The following CSMD1 variants were observed in gnomAD, a reference collection of about 807,000 sequenced individuals.
CSMD1 encodes the protein CUB and Sushi multiple domains 1.
CSMD1 carries 213 observed loss-of-function variants against 417.5 expected under a neutral mutation model. The ratio of observed to expected loss-of-function variants is 0.51; its 90% confidence interval spans 0.46 to 0.57. The LOEUF (loss-of-function observed/expected upper bound fraction) is 0.57. CSMD1 is among the 20% of genes least tolerant of loss of function. The probability of loss-of-function intolerance (pLI) is 0.00; values close to 1 mark genes in which losing one functional copy is unlikely to be tolerated. For synonymous variants in CSMD1, 2,862 were observed against 1,736.8 expected, an observed-to-expected ratio of 1.65 and a Z score of -16.11; for missense variants, 6,923 against 4,529.7, an observed-to-expected ratio of 1.53 and a Z score of -15.17.
At chr8:4,641,352 A>T (rs1043993040) in intron 1 of CSMD1, among the ~76,000 whole-genome samples, 1 of 152,140 alleles carries the variant, frequency 6.6e-6, no homozygotes, top group Admixed American at 6.5e-5. Flanking sequence ...ATATAGAAGA[A>T]TCAGAGAGTT....
At chr8:4,380,625 C>A (rs1584985992) in intron 3 of CSMD1, among the ~76,000 whole-genome samples, 1 of 152,102 alleles carries the variant, frequency 6.6e-6, no homozygotes, top group Non-Finnish European at 1.5e-5. Context: ...GCGGTACGGA[C>A]TGTAGTCATT....
intron 8 of CSMD1, among the ~76,000 whole-genome samples, chr8:3,588,913 G>A (rs1800718477): frequency 6.6e-6 from 1 of 152,032 alleles, no homozygotes; most frequent in South Asian, 2.1e-4. Context: ...TAACATATGG[G>A]CAAAGGACCT....
intron 3 of CSMD1, among the ~76,000 whole-genome samples, chr8:4,409,851 T>G (rs1796552325): frequency 6.6e-6 from 1 of 152,104 alleles, no homozygotes; most frequent in African/African-American, 2.4e-5. Flanking sequence ...TCTCACTCTG[T>G]TGCCCAGGCT....
At chr8:4,863,278 G>T (rs950468726) in intron 1 of CSMD1, among the ~76,000 whole-genome samples, 1 of 151,970 alleles carries the variant, frequency 6.6e-6, no homozygotes, top group Non-Finnish European at 1.5e-5. Flanking sequence ...CAAATTTTTA[G>T]AACGGCGCAT....
At chr8:4,167,819 A>G (rs1295038690) in intron 3 of CSMD1, among the ~76,000 whole-genome samples, 1 of 152,096 alleles carries the variant, frequency 6.6e-6, no homozygotes, top group Non-Finnish European at 1.5e-5. Context: ...CTCAGACTCC[A>G]TCTCTACCAA....
chr8:4,534,294 G>A (rs752316332), intron 2 of CSMD1, among the ~76,000 whole-genome samples: 2 of 152,158 alleles, frequency 1.3e-5, no homozygotes, highest in East Asian at 1.9e-4. Flanking sequence ...AGGCCAGCCC[G>A]ACTCATATGG....
At chr8:4,169,215 G>A (rs1009422917) in intron 3 of CSMD1, among the ~76,000 whole-genome samples, 8 of 152,126 alleles carry the variant, frequency 5.3e-5, no homozygotes, top group African/African-American at 1.9e-4. Context: ...ACACATGTCT[G>A]AGCAAAGTCC....
chr8:4,028,111 A>G (rs539007422), intron 4 of CSMD1, among the ~76,000 whole-genome samples: 1 of 152,306 alleles, frequency 6.6e-6, no homozygotes, highest in South Asian at 2.1e-4. Context: ...ATGAAAATGG[A>G]CATAATAAAC....
At chr8:3,705,795 C>T (rs894459544) in intron 7 of CSMD1, among the ~76,000 whole-genome samples, 2 of 152,124 alleles carry the variant, frequency 1.3e-5, no homozygotes, top group African/African-American at 4.8e-5. Context: ...CCAGAGGAAC[C>T]CAGATCTTGG....
chr8:4,886,758 T>A (rs1201197066), intron 1 of CSMD1, among the ~76,000 whole-genome samples: 4 of 152,032 alleles, frequency 2.6e-5, no homozygotes, highest in Non-Finnish European at 4.4e-5. Flanking sequence ...TCTAAAAAAA[T>A]TTATTTTACC....
chr8:3,457,038 G>C (rs1016935562), intron 12 of CSMD1, among the ~76,000 whole-genome samples: 2 of 151,258 alleles, frequency 1.3e-5, no homozygotes, highest in Non-Finnish European at 2.9e-5. Flanking sequence ...CCCTTCACCT[G>C]TACCCCTCAT....
At chr8:4,232,459 A>G (rs1563311519) in intron 3 of CSMD1, among the ~76,000 whole-genome samples, 2 of 152,160 alleles carry the variant, frequency 1.3e-5, no homozygotes, top group Non-Finnish European at 2.9e-5. Flanking sequence ...TCAGATTCCC[A>G]AAGTGCTGGG....
chr8:3,127,060 G>C (rs1817547814), intron 41 of CSMD1, among the ~76,000 whole-genome samples: 2 of 152,192 alleles, frequency 1.3e-5, no homozygotes, highest in African/African-American at 2.4e-5. Context: ...AGATGCCTGT[G>C]ATCTGCAGGG....
At chr8:4,387,570 CAAAAAAAAAAA>C (rs540419006) in intron 3 of CSMD1, among the ~76,000 whole-genome samples, 551 of 37,254 alleles carry the variant, frequency 0.015, 23 homozygotes, top group African/African-American at 0.038. Context: ...TCCAAACTGG[CAAAAAAAAAAA>C]AAAAAAAAAA....
intron 52 of CSMD1, among the ~76,000 whole-genome samples, chr8:3,007,501 G>C (rs888209307): frequency 2.0e-5 from 3 of 151,420 alleles, no homozygotes; most frequent in Non-Finnish European, 4.4e-5. Flanking sequence ...ATTCACAATA[G>C]CAAAGACTTG....
intron 3 of CSMD1, among the ~76,000 whole-genome samples, chr8:4,276,227 C>A (rs1015617669): frequency 7.2e-5 from 11 of 152,160 alleles, no homozygotes; most frequent in Non-Finnish European, 1.2e-4. Context: ...AACGCAAATG[C>A]CCATCAACGA....
intron 1 of CSMD1, among the ~76,000 whole-genome samples, chr8:4,799,424 C>A (rs892388814): frequency 6.6e-6 from 1 of 151,388 alleles, no homozygotes; most frequent in African/African-American, 2.4e-5. Flanking sequence ...TGGCAAAACC[C>A]CCTCTCTACT....
chr8:4,401,579 T>G (rs1331283102), intron 3 of CSMD1, among the ~76,000 whole-genome samples: 3 of 152,064 alleles, frequency 2.0e-5, no homozygotes, highest in Non-Finnish European at 4.4e-5. Flanking sequence ...TCTAGACCAA[T>G]CCATCATGTC....
intron 3 of CSMD1, among the ~76,000 whole-genome samples, chr8:4,206,899 A>G (rs1303710931): frequency 6.6e-6 from 1 of 152,218 alleles, no homozygotes; most frequent in Non-Finnish European, 1.5e-5. Flanking sequence ...GAAACTAAAT[A>G]TTTTATAATT....
Sources: gnomAD v4.1 joint callset for allele counts (sites outside exome capture counted in the v4.1 genomes callset) on GRCh38, gnomAD v4.1.1 for gene constraint, MANE v1.5 for transcripts, NCBI Gene and HGNC (gene_info 2026-07-23, HGNC 2026-07-21) for gene names.